The following TMEM41B variants were observed in gnomAD, a reference collection of about 807,000 sequenced individuals.
TMEM41B encodes the protein protein stasimon.
In TMEM41B, 18 loss-of-function variants were observed where a neutral mutation model predicts 31.9. That is an observed-to-expected ratio of 0.56 (90% confidence interval 0.39 to 0.84). The LOEUF (loss-of-function observed/expected upper bound fraction) is 0.84, where lower values mean the gene tolerates loss of function less well. TMEM41B is among the 40% of genes least tolerant of loss of function. The pLI is 0.00. For synonymous variants in TMEM41B, 144 were observed against 124.3 expected (o/e 1.16, Z -1.05); for missense variants, 322 against 348.0 (o/e 0.93, Z 0.59).
chr11:9,298,796 A>G (rs1853164866), intron 2 of TMEM41B, among the ~76,000 whole-genome samples: 2 of 151,550 alleles, frequency 1.3e-5, no homozygotes, highest in African/African-American at 2.4e-5. Flanking sequence ...AAAAATTGTG[A>G]AGGAAGGCAA....
At chr11:9,286,622 C>T in intron 5 of TMEM41B, 29 bp from the exon 6 acceptor site, 1 of 1,566,538 alleles carries the variant, frequency 6.4e-7, no homozygotes, top group East Asian at 2.3e-5. Flanking sequence ...GAATTAGCAT[C>T]AGATGAGGAC....
intron 2 of TMEM41B, 145 bp from the exon 3 acceptor site, chr11:9,295,532 A>T (rs1373300462): frequency 6.8e-6 from 4 of 588,364 alleles, no homozygotes; most frequent in Non-Finnish European, 1.2e-5. Context: ...TTAAAAGTTT[A>T]TAATTTTTCT....
At chr11:9,304,903 C>T (rs1336666379) in intron 1 of TMEM41B, among the ~76,000 whole-genome samples, 3 of 152,018 alleles carry the variant, frequency 2.0e-5, no homozygotes, top group African/African-American at 7.2e-5. Context: ...TGATCTGCCC[C>T]CCTTGGCCTA....
At chr11:9,293,018 TA>T (rs1186954197) in intron 3 of TMEM41B, among the ~76,000 whole-genome samples, 15 of 152,192 alleles carry the variant, frequency 9.9e-5, no homozygotes, top group Non-Finnish European at 1.6e-4. Context: ...TGTAATTATG[TA>T]AAACATTTAC....
chr11:9,284,560 T>C (rs1465772222), intron 6 of TMEM41B, among the ~76,000 whole-genome samples: 1 of 151,946 alleles, frequency 6.6e-6, no homozygotes. Flanking sequence ...GTCAGGAGTT[T>C]GAGACCAGCC....
intron 3 of TMEM41B, among the ~76,000 whole-genome samples, chr11:9,291,112 T>C (rs1196528174): frequency 1.3e-5 from 2 of 150,720 alleles, no homozygotes; most frequent in African/African-American, 4.9e-5. Context: ...TGAGACTCTG[T>C]CTCAAAAAAA....
intron 3 of TMEM41B, among the ~76,000 whole-genome samples, chr11:9,293,250 G>C (rs1254158598): frequency 1.3e-5 from 2 of 152,082 alleles, no homozygotes; most frequent in African/African-American, 4.8e-5. Flanking sequence ...CTACAGGCAT[G>C]TACCAAGACA....
intron 3 of TMEM41B, among the ~76,000 whole-genome samples, chr11:9,291,249 G>A (rs56349194): frequency 0.17 from 25,825 of 151,896 alleles, 2,670 homozygotes; most frequent in East Asian, 0.38. Flanking sequence ...GGGCGCAGTG[G>A]CAGGTGCCTG....
intron 3 of TMEM41B, among the ~76,000 whole-genome samples, chr11:9,290,432 G>A (rs1460303879): frequency 6.6e-6 from 1 of 152,016 alleles, no homozygotes. Context: ...ATATGTAAAT[G>A]TAGAAATACT....
At chr11:9,308,256 T>C (rs1329674328) in intron 1 of TMEM41B, among the ~76,000 whole-genome samples, 2 of 152,100 alleles carry the variant, frequency 1.3e-5, no homozygotes, top group Non-Finnish European at 2.9e-5. Context: ...GGCATGAGAA[T>C]CACTTGAACC....
chr11:9,311,430 C>T, intron 1 of TMEM41B: 1 of 1,393,314 alleles, frequency 7.2e-7, no homozygotes, highest in Non-Finnish European at 1.0e-6. Context: ...AGGAGGCATT[C>T]CAGGAGCAGA....
At chr11:9,292,501 A>G (rs1852981943) in intron 3 of TMEM41B, among the ~76,000 whole-genome samples, 1 of 152,158 alleles carries the variant, frequency 6.6e-6, no homozygotes, top group African/African-American at 2.4e-5. Context: ...CAACATTATT[A>G]CTACTAACAA....
At chr11:9,305,410 C>A (rs967414085) in intron 1 of TMEM41B, among the ~76,000 whole-genome samples, 2 of 152,160 alleles carry the variant, frequency 1.3e-5, no homozygotes, top group Non-Finnish European at 2.9e-5. Flanking sequence ...ACCAGCCTAG[C>A]CAACATAGTG....
chr11:9,291,460 G>C (rs1852957782), intron 3 of TMEM41B, among the ~76,000 whole-genome samples: 1 of 151,880 alleles, frequency 6.6e-6, no homozygotes, highest in Admixed American at 6.6e-5. Context: ...GGAGTGCAGT[G>C]GCATGATCTT....
intron 1 of TMEM41B, among the ~76,000 whole-genome samples, chr11:9,306,529 A>T (rs1303515183): frequency 6.6e-6 from 1 of 151,692 alleles, no homozygotes; most frequent in Non-Finnish European, 1.5e-5. Flanking sequence ...AAAAAAATAC[A>T]AAAAAAATTA....
Position 9,299,649 on chromosome 11 carries a change from C to G in TMEM41B, c.174G>C (p.Val58=). The G allele has an allele frequency of 6.2e-7, 1 of 1,613,466 alleles. No individual in the cohort carries two copies. The highest frequency in any genetic ancestry group is 8.5e-7 in the Non-Finnish European group (1 of 1,179,884). The change falls in exon 2 of 7, where the codon GTG becomes GTC. Residue 58 remains valine (V), a synonymous_variant. Coordinates refer to ENST00000528080, the MANE Select transcript of TMEM41B (RefSeq NM_015012.4). The part of the protein sequence containing the change: ...GSARMSLLIL[V]SIFLSAAFVM... ...CAAAAGCTGCAGATAAGAAAATGGA[C>G]ACCAATATAAGGAGTGACATTCTTG...
rs1853590475 is a variant in TMEM41B at position 9,312,739 on chromosome 11, A to G, written c.121+1582T>C. Among the ~76,000 whole-genome samples the G allele has an allele frequency of 2.0e-5, 3 of 151,978 alleles. No homozygotes were observed. The South Asian group carries it at 6.2e-4, about 32-fold the overall frequency. ...GCTAACAAGGTGAAACCCCATCTCT[A>G]CTAAAAATACAAAAATTAGCCCGGC... On this transcript the variant is annotated intron_variant, in intron 1 of 6. Transcript: ENST00000528080.
At chr11:9,298,128 T>G (rs1178021003) in intron 2 of TMEM41B, among the ~76,000 whole-genome samples, 1 of 146,720 alleles carries the variant, frequency 6.8e-6, no homozygotes, top group Non-Finnish European at 1.5e-5. Context: ...AGATACCCAG[T>G]AAACTAAAGG....
intron 5 of TMEM41B, among the ~76,000 whole-genome samples, chr11:9,286,987 C>A (rs905535723): frequency 6.7e-6 from 1 of 148,400 alleles, no homozygotes; most frequent in Non-Finnish European, 1.5e-5. Flanking sequence ...GCAACAAGAG[C>A]GAAACTCTGA....
Sources: gnomAD v4.1 joint callset for allele counts (sites outside exome capture counted in the v4.1 genomes callset) on GRCh38, gnomAD v4.1.1 for gene constraint, MANE v1.5 for transcripts, NCBI Gene and HGNC (gene_info 2026-07-23, HGNC 2026-07-21) for gene names.